The following NDST1 variants were observed in gnomAD, a reference collection of about 807,000 sequenced individuals.
NDST1 encodes the protein bifunctional heparan sulfate N-deacetylase/N-sulfotransferase 1.
NDST1 carries 35 observed loss-of-function variants against 92.8 expected under a neutral mutation model. The ratio of observed to expected loss-of-function variants is 0.38; its 90% CI spans 0.29 to 0.50. The LOEUF (loss-of-function observed/expected upper bound fraction) is 0.50, where lower values mean the gene tolerates loss of function less well. Ranked by LOEUF, NDST1 falls within the 20% of genes least tolerant of loss-of-function variation. The probability of loss-of-function intolerance (pLI) is 0.94; values close to 1 mark genes in which losing one functional copy is unlikely to be tolerated. For missense variants in NDST1, 822 were observed against 1,182.7 expected, an observed-to-expected ratio of 0.69 and a Z score of 4.47; for synonymous variants, 493 against 500.3, an observed-to-expected ratio of 0.99 and a Z score of 0.19.
chr5:150,554,055 T>C lies in NDST1; in HGVS notation c.*723T>C. 2.5e-6 allele frequency: 1 copy of C among 405,466 alleles called. No homozygotes were observed. The highest frequency in any genetic ancestry group is 4.4e-6 in the Non-Finnish European group (1 of 229,492). 25.1% of individuals were successfully genotyped at this position (405,466 alleles called of 1,614,324 possible). A position where few individuals can be genotyped will look rare whatever the true frequency, so the allele number is the denominator to read the frequency against. ...TTTCTTCCCCCTGGGATATGATGTG[T>C]GGTGTTTCCTGTGGTAAAAGACTGA... On this transcript the variant is annotated 3_prime_UTR_variant, in exon 15 of 15. Transcript: ENST00000261797.
chr5:150,527,845 C>T lies in NDST1; in HGVS notation c.555C>T (p.Phe185=), dbSNP rs368315788. ...TGCTGAGTGCGCAGCTCAAGGGCTTCCCCCTGTTCCTGCACTCAAACCTGG... is the reference window on the plus strand; with the variant it reads ...TGCTGAGTGCGCAGCTCAAGGGCTTTCCCCTGTTCCTGCACTCAAACCTGG... The part of the protein sequence containing the change: ...NSLLSAQLKG[F]PLFLHSNLGL... Residue 185 remains phenylalanine (F), a synonymous_variant, in exon 3 of 15, where the codon TTC becomes TTT. Coordinates refer to ENST00000261797, the MANE Select transcript of NDST1 (RefSeq NM_001543.5). 2.8e-5 allele frequency: 45 copies of T among 1,614,106 alleles called. No homozygotes were observed. Among genetic ancestry groups the T allele is most frequent in the Non-Finnish European group, 3.6e-5 (43 of 1,180,024 alleles).
chr5:150,516,969 A>G (rs968500546), intron 1 of NDST1, among the ~76,000 whole-genome samples: 8 of 138,222 alleles, frequency 5.8e-5, no homozygotes, highest in African/African-American at 2.2e-4. Context: ...CCATTATGAC[A>G]TTTTCTAGTG....
intron 1 of NDST1, among the ~76,000 whole-genome samples, chr5:150,519,457 C>G (rs1754139798): frequency 6.6e-6 from 1 of 152,028 alleles, no homozygotes; most frequent in African/African-American, 2.4e-5. Flanking sequence ...CCTATAATCC[C>G]AGCACTTTGG....
intron 3 of NDST1, among the ~76,000 whole-genome samples, chr5:150,532,548 C>T (rs1754791173): frequency 6.6e-6 from 1 of 152,136 alleles, no homozygotes. Context: ...GACGGAATCT[C>T]GCTCTGTCAC....
In NDST1 at chr5:150,556,793, A is replaced by G. The variant is rs1755878947; in HGVS notation, c.*3461A>G. 6.6e-6 allele frequency: 1 copy of G among 152,452 alleles called. No homozygotes were observed. Among genetic ancestry groups the G allele is most frequent in the Non-Finnish European group, 1.5e-5 (1 of 68,012 alleles). The allele number at this position is 152,452 out of a possible 1,614,324, so 9.4% of individuals were successfully genotyped here. On this transcript the variant is annotated 3_prime_UTR_variant, in exon 15 of 15. Transcript: ENST00000261797. ...ATCTAATCTGTATTCAAATCCCCCCAATTGTCTCCCAGGTAACTTATGTGT... is the reference window on the plus strand; with the variant it reads ...ATCTAATCTGTATTCAAATCCCCCCGATTGTCTCCCAGGTAACTTATGTGT...
At chr5:150,531,645 G>A (rs958190930) in intron 3 of NDST1, among the ~76,000 whole-genome samples, 6 of 151,584 alleles carry the variant, frequency 4.0e-5, no homozygotes, top group Non-Finnish European at 5.9e-5. Flanking sequence ...GATTACAGGC[G>A]CCTGCCACCA....
chr5:150,529,155 G>A (rs1290124867), intron 3 of NDST1, among the ~76,000 whole-genome samples: 1 of 152,140 alleles, frequency 6.6e-6, no homozygotes, highest in African/African-American at 2.4e-5. Flanking sequence ...ACTTTGAGAA[G>A]CCAAGGGAGG....
At chr5:150,551,327 C>T (rs201569923) in intron 13 of NDST1, among the ~76,000 whole-genome samples, 1 of 151,868 alleles carries the variant, frequency 6.6e-6, no homozygotes, top group Non-Finnish European at 1.5e-5. Flanking sequence ...TATTAAAAAG[C>T]AAAAGAACCT....
At chr5:150,501,304 T>A (rs1227071413) in intron 1 of NDST1, among the ~76,000 whole-genome samples, 1 of 152,142 alleles carries the variant, frequency 6.6e-6, no homozygotes, top group Non-Finnish European at 1.5e-5. Context: ...CTTGGATGGA[T>A]GCTGGAAAGG....
intron 2 of NDST1, among the ~76,000 whole-genome samples, chr5:150,524,714 C>T (rs116824044): frequency 1.6e-3 from 240 of 152,312 alleles, no homozygotes; most frequent in Non-Finnish European, 2.5e-3. Flanking sequence ...TGCTGGGGAC[C>T]GTAAGTGTCT....
chr5:150,533,474 A>G (rs917759323), intron 4 of NDST1, among the ~76,000 whole-genome samples: 1 of 152,134 alleles, frequency 6.6e-6, no homozygotes, highest in Non-Finnish European at 1.5e-5. Flanking sequence ...TTAGAGTCCT[A>G]AGGGTTGAGG....
At chr5:150,530,278 C>T (rs556423737) in intron 3 of NDST1, among the ~76,000 whole-genome samples, 1 of 152,298 alleles carries the variant, frequency 6.6e-6, no homozygotes, top group East Asian at 1.9e-4. Flanking sequence ...TAAAGGCTCT[C>T]CTGTTTAAAG....
intron 10 of NDST1, 112 bp from the exon 11 acceptor site, chr5:150,545,200 C>T: frequency 7.9e-7 from 1 of 1,269,056 alleles, no homozygotes; most frequent in Middle Eastern, 1.9e-4. Flanking sequence ...AGCAAAGCTT[C>T]CCACTTGCTC....
chr5:150,531,526 G>C (rs1754735787), intron 3 of NDST1, among the ~76,000 whole-genome samples: 1 of 137,210 alleles, frequency 7.3e-6, no homozygotes, highest in East Asian at 2.4e-4. Context: ...TTGAGATGGA[G>C]TTTCATTCTT....
upstream of NDST1, among the ~76,000 whole-genome samples, chr5:150,505,901 C>T (rs1393392281): frequency 6.6e-6 from 1 of 152,162 alleles, no homozygotes; most frequent in Non-Finnish European, 1.5e-5. Context: ...CTACCTCAGC[C>T]TCCTGAATAG....
intron 11 of NDST1, among the ~76,000 whole-genome samples, chr5:150,546,288 G>A (rs772158460): frequency 3.0e-4 from 46 of 152,222 alleles, no homozygotes; most frequent in African/African-American, 8.9e-4. Context: ...GAGCCACTGC[G>A]CCCAGCTGAA....
At chr5:150,539,041 T>C (rs1755120822) in intron 6 of NDST1, among the ~76,000 whole-genome samples, 187 bp from the exon 7 acceptor site, 1 of 152,190 alleles carries the variant, frequency 6.6e-6, no homozygotes, top group African/African-American at 2.4e-5. Flanking sequence ...GTTTGTAAAA[T>C]GGCAAGGGCC....
At chr5:150,501,087 TTTG>T (rs139483739) in intron 1 of NDST1, among the ~76,000 whole-genome samples, 17 of 152,272 alleles carry the variant, frequency 1.1e-4, no homozygotes, top group African/African-American at 3.8e-4. Context: ...CATCCCATTT[TTTG>T]TTGTTGTTGT....
chr5:150,533,714 C>T (rs1451376105), intron 4 of NDST1, among the ~76,000 whole-genome samples: 2 of 152,190 alleles, frequency 1.3e-5, no homozygotes, highest in African/African-American at 4.8e-5. Context: ...GGGGTATATG[C>T]AACATAGCCC....
Sources: gnomAD v4.1 joint callset for allele counts (sites outside exome capture counted in the v4.1 genomes callset) on GRCh38, gnomAD v4.1.1 for gene constraint, MANE v1.5 for transcripts, NCBI Gene and HGNC (gene_info 2026-07-23, HGNC 2026-07-21) for gene names.